SIK3: variants seen among roughly 807,000 people sequenced by gnomAD.
SIK3 encodes the protein SIK family kinase 3.
Under a neutral mutation model 144.2 loss-of-function variants are expected in SIK3, and 28 were observed. The observed-to-expected ratio is 0.19, with a 90% CI of 0.14 to 0.27. SIK3 has a LOEUF of 0.27. Among genes scored for constraint, SIK3 ranks in the 10% least tolerant of loss-of-function variants. SIK3 has a pLI of 1.00. For synonymous variants in SIK3, 686 were observed against 676.3 expected (o/e 1.01, Z -0.22); for missense variants, 1,319 against 1,776.0 (o/e 0.74, Z 4.62).
At chr11:117,023,645 T>TATATATATATATATATA (rs1951891263) in intron 1 of SIK3, among the ~76,000 whole-genome samples, 3 of 143,438 alleles carry the variant, frequency 2.1e-5, no homozygotes, top group Non-Finnish European at 3.0e-5. Flanking sequence ...TATATATATA[T>TATATATATATATATATA]TGCACACTGC....
chr11:117,084,558 G>A (rs772126364), intron 1 of SIK3, among the ~76,000 whole-genome samples: 8 of 152,040 alleles, frequency 5.3e-5, no homozygotes, highest in South Asian at 2.1e-4. Flanking sequence ...GAGCCACCGC[G>A]CCGGGCCCAG....
intron 4 of SIK3, among the ~76,000 whole-genome samples, chr11:116,904,581 A>C (rs1234873285): frequency 6.6e-6 from 1 of 152,038 alleles, no homozygotes; most frequent in Non-Finnish European, 1.5e-5. Flanking sequence ...TCCATGCTCC[A>C]CTCATTTACT....
intron 4 of SIK3, among the ~76,000 whole-genome samples, chr11:116,924,065 A>T (rs956452716): frequency 6.6e-5 from 10 of 152,016 alleles, no homozygotes; most frequent in Non-Finnish European, 8.8e-5. Flanking sequence ...GTGGATCAGG[A>T]TCTTGAACTC....
At chr11:117,059,784 C>A (rs575290476) in intron 1 of SIK3, among the ~76,000 whole-genome samples, 2 of 152,254 alleles carry the variant, frequency 1.3e-5, no homozygotes, top group East Asian at 1.9e-4. Flanking sequence ...TAGGCTACTG[C>A]AAATTAAAAC....
intron 3 of SIK3, among the ~76,000 whole-genome samples, chr11:116,943,551 C>T (rs1250656941): frequency 2.0e-5 from 3 of 152,306 alleles, no homozygotes; most frequent in East Asian, 3.9e-4. Context: ...TCCCTTTCTG[C>T]CTCTCTTGCC....
chr11:116,916,280 T>A (rs747651715), intron 4 of SIK3, among the ~76,000 whole-genome samples: 2 of 152,186 alleles, frequency 1.3e-5, no homozygotes, highest in Non-Finnish European at 2.9e-5. Context: ...TGCCTACCAC[T>A]AGCAAACTGT....
chr11:116,996,774 C>G (rs569301436), intron 1 of SIK3, among the ~76,000 whole-genome samples: 1 of 131,358 alleles, frequency 7.6e-6, no homozygotes, highest in African/African-American at 2.9e-5. Context: ...GAGCCAAGAT[C>G]GCGCCACTAC....
chr11:116,864,097 T>C, intron 15 of SIK3: 1 of 275,372 alleles, frequency 3.6e-6, no homozygotes, highest in East Asian at 8.7e-5. Flanking sequence ...TTCTTATAAA[T>C]ACACTAGGCC....
At chr11:117,069,182 TTTGGGG>T (rs1164090543) in intron 1 of SIK3, among the ~76,000 whole-genome samples, 2 of 89,978 alleles carry the variant, frequency 2.2e-5, no homozygotes, top group Admixed American at 9.9e-5. Context: ...AAGATTTTTT[TTTGGGG>T]GGGGGGGGGT....
chr11:117,016,305 G>A lies in SIK3; in HGVS notation c.274-59241C>T, dbSNP rs184360845. Among the ~76,000 whole-genome samples the A allele has an allele frequency of 8.6e-3, 1,197 of 139,456 alleles. 7 individuals carry two copies. Among genetic ancestry groups the A allele is most frequent in the Non-Finnish European group, 0.012 (804 of 64,998 alleles). The allele number at this position is 139,456 out of a possible 152,430, so 91.5% of individuals were successfully genotyped here. A position where few individuals can be genotyped will look rare whatever the true frequency, so the allele number is the denominator to read the frequency against. On this transcript the variant is annotated intron_variant, in intron 1 of 24. Coordinates refer to ENST00000445177, the MANE Select transcript of SIK3 (RefSeq NM_001366686.3). Reference sequence around the variant, plus strand: ...CACGCCACTGCACTCTAGCCTGGGCGACAGAGAGAGACTCTGCGAAAAAAA... The same window carrying A: ...CACGCCACTGCACTCTAGCCTGGGCAACAGAGAGAGACTCTGCGAAAAAAA...
At chr11:117,013,911 G>GTGTGTGTGTGTGTGTGTGTGTAT (rs1565556646) in intron 1 of SIK3, among the ~76,000 whole-genome samples, 525 of 28,460 alleles carry the variant, frequency 0.018, 34 homozygotes, top group African/African-American at 0.03. Flanking sequence ...GGGGGGGGGG[G>GTGTGTGTGTGTGTGTGTGTGTAT]GAGGGTGTGT....
At chr11:116,847,665 C>A in intron 22 of SIK3, 57 bp from the exon 23 acceptor site, 1 of 1,606,716 alleles carries the variant, frequency 6.2e-7, no homozygotes, top group South Asian at 1.1e-5. Context: ...CTCAGGCAAC[C>A]CCTAGAGACA....
chr11:116,951,333 C>T (rs1439180458), intron 3 of SIK3, among the ~76,000 whole-genome samples: 2 of 152,012 alleles, frequency 1.3e-5, no homozygotes, highest in African/African-American at 4.8e-5. Context: ...TCAATAATTT[C>T]TTTAGGTAAT....
chr11:116,896,107 G>T, intron 6 of SIK3, 146 bp downstream of exon 6: 3 of 1,064,764 alleles, frequency 2.8e-6, no homozygotes, highest in Non-Finnish European at 4.1e-6. Flanking sequence ...ACAGAACCTT[G>T]CCTCCTGGAG....
intron 1 of SIK3, among the ~76,000 whole-genome samples, chr11:117,080,136 AACAG>A (rs1385223926): frequency 6.6e-6 from 1 of 152,216 alleles, no homozygotes; most frequent in East Asian, 1.9e-4. Context: ...AAAGACAACC[AACAG>A]ACAAATTAAA....
At chr11:116,910,255 T>A (rs977719767) in intron 4 of SIK3, among the ~76,000 whole-genome samples, 1 of 152,066 alleles carries the variant, frequency 6.6e-6, no homozygotes, top group Non-Finnish European at 1.5e-5. Flanking sequence ...CTAAAAAAAA[T>A]TAGGTTTTCC....
intron 3 of SIK3, among the ~76,000 whole-genome samples, chr11:116,940,017 A>C (rs147699489): frequency 6.6e-6 from 1 of 152,314 alleles, no homozygotes; most frequent in East Asian, 1.9e-4. Context: ...ACATGATAGT[A>C]AGGAATTACT....
chr11:116,858,092 G>C lies in SIK3; in HGVS notation c.3373C>G (p.Pro1125Ala). The C allele has an allele frequency of 6.2e-7, 1 of 1,614,088 alleles. No individual in the cohort carries two copies. The highest frequency in any genetic ancestry group is 8.5e-7 in the Non-Finnish European group (1 of 1,179,982). The change falls in exon 21 of 25, where the codon CCC becomes GCC. Residue 1125 changes from proline (P) to alanine (A), a missense_variant. Transcript: ENST00000445177. The surrounding 1 kb of genome is among the most constrained non-coding windows in gnomAD (Gnocchi z 5.4). Reference sequence around the variant, plus strand: ...TGAGCATACCCGTGGGGCGGGGTGGGTGAGGAAGCCTGTGAGACACATTCT... The same window carrying C: ...TGAGCATACCCGTGGGGCGGGGTGGCTGAGGAAGCCTGTGAGACACATTCT... ...AQECVSQASS[P>A]TPPHGYAHQP...
intron 6 of SIK3, among the ~76,000 whole-genome samples, chr11:116,891,856 T>C (rs1482262913): frequency 1.3e-5 from 2 of 152,152 alleles, no homozygotes; most frequent in African/African-American, 4.8e-5. Context: ...GATAGTATGG[T>C]CTTAGAAGTG....
Sources: gnomAD v4.1 joint callset for allele counts (sites outside exome capture counted in the v4.1 genomes callset) on GRCh38, gnomAD v4.1.1 for gene constraint, Gnocchi (gnomAD v3.1) non-coding constraint, MANE v1.5 for transcripts, NCBI Gene and HGNC (gene_info 2026-07-23, HGNC 2026-07-21) for gene names.